Variants in NELL2 observed in about 807,000 individuals in gnomAD.
NELL2 encodes the protein protein kinase C-binding protein NELL2.
Under a neutral mutation model 109.6 loss-of-function variants are expected in NELL2, and 41 were observed. The ratio of observed to expected loss-of-function variants is 0.37; its 90% confidence interval spans 0.29 to 0.49. NELL2 has a LOEUF of 0.49. Ranked by LOEUF, NELL2 falls within the 20% of genes least tolerant of loss-of-function variation. The probability of loss-of-function intolerance (pLI) is 0.98; values close to 1 mark genes in which losing one functional copy is unlikely to be tolerated. For missense variants in NELL2, 900 were observed against 1,008.3 expected (o/e 0.89, Z 1.45); for synonymous variants, 355 against 344.7 (o/e 1.03, Z -0.33).
rs192307528 is a variant in NELL2 at position 44,854,778 on chromosome 12, A to G, written c.184+20447T>C. ...TGGATGGATGACTGGATAGATGGAC[A>G]GATAGAAGGATAGCTATTCCAAAAA... is the stretch of plus-strand genomic sequence containing the variant. On this transcript the variant is annotated intron_variant, in intron 2 of 19. Coordinates refer to ENST00000429094, the MANE Select transcript of NELL2 (RefSeq NM_001145108.2). Among the ~76,000 whole-genome samples the G allele has an allele frequency of 2.0e-5, 3 of 151,658 alleles. No homozygotes were observed. The East Asian group carries it at 5.8e-4, about 29-fold the overall frequency.
intron 9 of NELL2, among the ~76,000 whole-genome samples, chr12:44,715,818 G>A (rs1419630840): frequency 6.6e-6 from 1 of 151,878 alleles, no homozygotes; most frequent in African/African-American, 2.4e-5. Flanking sequence ...AAAGTGAATG[G>A]GTATATTTTC....
chr12:44,656,798 C>T (rs1472066758), intron 13 of NELL2, among the ~76,000 whole-genome samples: 1 of 152,112 alleles, frequency 6.6e-6, no homozygotes, highest in African/African-American at 2.4e-5. Context: ...GATAAATTAT[C>T]TGTTTTGTTC....
At chr12:44,760,913 T>A (rs1343957270) in intron 9 of NELL2, among the ~76,000 whole-genome samples, 1 of 152,186 alleles carries the variant, frequency 6.6e-6, no homozygotes, top group Non-Finnish European at 1.5e-5. Flanking sequence ...ATTTTACATA[T>A]TTTTCATTGA....
At chr12:44,561,530 C>G (rs990567706) in intron 15 of NELL2, among the ~76,000 whole-genome samples, 1 of 152,094 alleles carries the variant, frequency 6.6e-6, no homozygotes, top group Non-Finnish European at 1.5e-5. Context: ...TTCCTATACA[C>G]TAATAGACAG....
chr12:44,778,126 T>C (rs1438806878), intron 5 of NELL2, among the ~76,000 whole-genome samples: 4 of 152,170 alleles, frequency 2.6e-5, no homozygotes, highest in African/African-American at 9.7e-5. Context: ...ATTAAATTAA[T>C]ATTTTACTTT....
chr12:44,823,617 T>C (rs1218698342), intron 2 of NELL2, among the ~76,000 whole-genome samples: 1 of 152,226 alleles, frequency 6.6e-6, no homozygotes, highest in Non-Finnish European at 1.5e-5. Flanking sequence ...TATATACCAA[T>C]ATTTCTTTAT....
At chr12:44,736,298 C>T (rs1008623595) in intron 9 of NELL2, among the ~76,000 whole-genome samples, 3 of 151,892 alleles carry the variant, frequency 2.0e-5, no homozygotes, top group Non-Finnish European at 2.9e-5. Flanking sequence ...CGTGAGCCAC[C>T]GCGCCCGGCC....
At chr12:44,798,387 G>A (rs1452908819) in intron 3 of NELL2, among the ~76,000 whole-genome samples, 2 of 151,900 alleles carry the variant, frequency 1.3e-5, no homozygotes, top group Non-Finnish European at 2.9e-5. Flanking sequence ...ATATCAATGT[G>A]CAAGATTCAA....
chr12:44,650,859 G>A (rs55877833), intron 13 of NELL2, among the ~76,000 whole-genome samples: 2,585 of 152,258 alleles, frequency 0.017, 28 homozygotes, highest in Non-Finnish European at 0.026. Flanking sequence ...GAGCCCTCAC[G>A]AGAAATTAAA....
At chr12:44,743,098 A>T (rs1001305006) in intron 9 of NELL2, among the ~76,000 whole-genome samples, 1 of 152,202 alleles carries the variant, frequency 6.6e-6, no homozygotes, top group Non-Finnish European at 1.5e-5. Context: ...CTAACAGCAG[A>T]TCTCTCGGCA....
chr12:44,813,157 C>CAGCTA (rs1362452859), intron 3 of NELL2, among the ~76,000 whole-genome samples: 1 of 152,082 alleles, frequency 6.6e-6, no homozygotes. Context: ...AGAGCTATGA[C>CAGCTA]TGGAATATAT....
chr12:44,784,604 T>C (rs1942091964), intron 3 of NELL2, among the ~76,000 whole-genome samples: 1 of 152,162 alleles, frequency 6.6e-6, no homozygotes, highest in East Asian at 1.9e-4. Context: ...CCAATATCCC[T>C]GATCAACATC....
At chr12:44,752,089 C>T (rs1309491870) in intron 9 of NELL2, among the ~76,000 whole-genome samples, 2 of 152,326 alleles carry the variant, frequency 1.3e-5, no homozygotes, top group East Asian at 1.9e-4. Flanking sequence ...TGAGCTGAGC[C>T]TTCAATTTGA....
At chr12:44,622,793 G>A (rs2136273971) in intron 13 of NELL2, among the ~76,000 whole-genome samples, 1 of 152,058 alleles carries the variant, frequency 6.6e-6, no homozygotes, top group East Asian at 1.9e-4. Flanking sequence ...TTTCATTCAG[G>A]GGCTTAATTT....
intron 1 of NELL2, among the ~76,000 whole-genome samples, chr12:44,900,512 A>G (rs748797352): frequency 3.9e-5 from 6 of 152,188 alleles, no homozygotes; most frequent in Admixed American, 6.5e-5. Context: ...CTGAATGACT[A>G]CTGGTTAAAT....
At chr12:44,707,107 C>A (rs148205563) in intron 11 of NELL2, among the ~76,000 whole-genome samples, 2 of 152,108 alleles carry the variant, frequency 1.3e-5, no homozygotes, top group Non-Finnish European at 2.9e-5. Context: ...AAAAGAATAA[C>A]CTCGTTATCA....
intron 2 of NELL2, among the ~76,000 whole-genome samples, chr12:44,828,783 T>G (rs1943796154): frequency 1.3e-5 from 2 of 152,226 alleles, no homozygotes; most frequent in South Asian, 2.1e-4. Context: ...GTATTAAGAT[T>G]TATCTATAAC....
In NELL2 at chr12:44,523,398, G is replaced by T; in HGVS notation, c.1891C>A (p.Pro631Thr). ...NLDGGYDCRC[P>T]HGKNCTGDCI... is the part of the protein sequence containing the mutation. ...TCCCCTGTGCAATTCTTTCCATGAG[G>T]ACATCGACAATCATATCCGCCATCC... Residue 631 changes from proline to threonine, a missense_variant, in exon 17 of 20, where the codon CCT becomes ACT. Pro to Thr is a conservative substitution (Grantham distance 38). Coordinates refer to ENST00000429094, the MANE Select transcript of NELL2 (RefSeq NM_001145108.2). 6.2e-7 allele frequency: 1 copy of T among 1,614,106 alleles called. No homozygotes were observed. Among genetic ancestry groups the T allele is most frequent in the Non-Finnish European group, 8.5e-7 (1 of 1,180,018 alleles).
intron 15 of NELL2, among the ~76,000 whole-genome samples, chr12:44,562,070 A>G (rs1943486757): frequency 6.6e-6 from 1 of 152,144 alleles, no homozygotes. Flanking sequence ...TGTGGAAAGG[A>G]CTCCCTATTT....
Sources: gnomAD v4.1 joint callset for allele counts (sites outside exome capture counted in the v4.1 genomes callset) on GRCh38, gnomAD v4.1.1 for gene constraint, MANE v1.5 for transcripts, NCBI Gene and HGNC (gene_info 2026-07-23, HGNC 2026-07-21) for gene names.